Variants in ZNF69 observed in about 807,000 individuals in gnomAD.
The protein encoded by ZNF69 is ZNF3.
Under a neutral mutation model 50.9 loss-of-function variants are expected in ZNF69, and 47 were observed. The observed-to-expected ratio is 0.92, with a 90% CI of 0.73 to 1.18. ZNF69 has a LOEUF of 1.18. ZNF69 is among the 50% of genes most tolerant of loss of function. The probability of loss-of-function intolerance (pLI) is 0.00; values close to 1 mark genes in which losing one functional copy is unlikely to be tolerated. For synonymous variants in ZNF69, 216 were observed against 223.1 expected (o/e 0.97, Z 0.29); for missense variants, 717 against 675.1 (o/e 1.06, Z -0.69).
the ZNF69 span, among the ~76,000 whole-genome samples, chr19:11,941,603 A>G: frequency 6.6e-6 from 1 of 152,104 alleles, no homozygotes; most frequent in African/African-American, 2.4e-5. Flanking sequence ...CGGGGCCGCC[A>G]AGCCCACGCC....
chr19:11,963,002 G>A, the ZNF69 span, among the ~76,000 whole-genome samples: 2 of 151,940 alleles, frequency 1.3e-5, no homozygotes, highest in Admixed American at 1.3e-4. Context: ...CAGTCGATGA[G>A]GAAATATCAC....
downstream of ZNF69, among the ~76,000 whole-genome samples, chr19:11,910,407 C>T (rs1972440590): frequency 6.6e-6 from 1 of 152,154 alleles, no homozygotes; most frequent in Non-Finnish European, 1.5e-5. Context: ...CATTAGGCTA[C>T]CTGACTTCAA....
the ZNF69 span, among the ~76,000 whole-genome samples, chr19:11,936,399 ATC>A: frequency 6.6e-6 from 1 of 152,270 alleles, no homozygotes; most frequent in East Asian, 1.9e-4. Context: ...GTGAGATGGT[ATC>A]TCATTGTGGT....
At chr19:11,931,843 C>G in the ZNF69 span, among the ~76,000 whole-genome samples, 2 of 148,364 alleles carry the variant, frequency 1.3e-5, no homozygotes, top group South Asian at 4.2e-4. Flanking sequence ...TGGCCAGGCA[C>G]GGTGGCTCGC....
intron 1 of ZNF69, among the ~76,000 whole-genome samples, chr19:11,898,297 T>A (rs1972170299): frequency 6.6e-6 from 1 of 152,232 alleles, no homozygotes; most frequent in African/African-American, 2.4e-5. Context: ...GGTTTTATTA[T>A]TTAGAACAGT....
downstream of ZNF69, among the ~76,000 whole-genome samples, chr19:11,906,706 A>G (rs1445489781): frequency 6.6e-6 from 1 of 152,192 alleles, no homozygotes; most frequent in African/African-American, 2.4e-5. Context: ...AGTAGATAAA[A>G]CCACAAAGAT....
chr19:11,948,699 A>G, the ZNF69 span: 2 of 1,612,338 alleles, frequency 1.2e-6, no homozygotes, highest in Non-Finnish European at 1.7e-6. Flanking sequence ...ATAAATGTAA[A>G]TTTTGTGGGA....
chr19:11,971,802 G>A, the ZNF69 span, among the ~76,000 whole-genome samples: 1 of 152,134 alleles, frequency 6.6e-6, no homozygotes, highest in Non-Finnish European at 1.5e-5. Flanking sequence ...GGTGGCTCAC[G>A]CCTCTAATCC....
At chr19:11,948,379 G>T in the ZNF69 span, 2 of 1,613,988 alleles carry the variant, frequency 1.2e-6, no homozygotes, top group South Asian at 1.1e-5. Context: ...GGAGAAGAAA[G>T]CTTCTCCTGA....
the ZNF69 span, among the ~76,000 whole-genome samples, chr19:11,925,993 G>C: frequency 6.6e-6 from 1 of 152,160 alleles, no homozygotes; most frequent in Non-Finnish European, 1.5e-5. Flanking sequence ...CCTGTGGAAG[G>C]GGGGTTAGAA....
the ZNF69 span, chr19:11,980,182 C>A: frequency 1.8e-6 from 1 of 556,436 alleles, no homozygotes; most frequent in Non-Finnish European, 3.1e-6. Flanking sequence ...GAGTTCAAGA[C>A]TGGCCTGATC....
the ZNF69 span, among the ~76,000 whole-genome samples, chr19:11,959,351 C>A: frequency 6.6e-6 from 1 of 152,112 alleles, no homozygotes; most frequent in East Asian, 1.9e-4. Flanking sequence ...CACATACCAC[C>A]CCAAAAAATA....
the ZNF69 span, among the ~76,000 whole-genome samples, chr19:11,935,112 C>T: frequency 7.3e-6 from 1 of 137,372 alleles, no homozygotes; most frequent in African/African-American, 3.0e-5. Flanking sequence ...GGAGGCGGAG[C>T]TTGCAGTGGG....
chr19:11,979,431 T>C, the ZNF69 span: 1 of 1,602,444 alleles, frequency 6.2e-7, no homozygotes, highest in Non-Finnish European at 8.5e-7. Flanking sequence ...CAAACACACA[T>C]AAGAATACAC....
chr19:11,947,406 TTGA>T, the ZNF69 span: 2 of 1,603,616 alleles, frequency 1.2e-6, no homozygotes, highest in Non-Finnish European at 1.7e-6. Context: ...AGGAAATACC[TTGA>T]TGAATAAATG....
the ZNF69 span, chr19:11,978,762 G>C: frequency 6.2e-7 from 1 of 1,614,062 alleles, no homozygotes; most frequent in South Asian, 1.1e-5. Flanking sequence ...AACCCACACT[G>C]GGGGAAAGCC....
chr19:11,912,213 G>A (rs913372211), intron 4 of ZNF69, among the ~76,000 whole-genome samples: 1 of 152,028 alleles, frequency 6.6e-6, no homozygotes, highest in Admixed American at 6.6e-5. Flanking sequence ...TAAGAAATGT[G>A]GGAAAGCGTT....
At chr19:11,919,524 G>A in the ZNF69 span, among the ~76,000 whole-genome samples, 1 of 152,114 alleles carries the variant, frequency 6.6e-6, no homozygotes, top group African/African-American at 2.4e-5. Flanking sequence ...TTGGGAGGCC[G>A]AGGCATGAGG....
In ZNF69 at chr19:11,905,369, G is replaced by T; in HGVS notation, c.972G>T (p.Arg324Ser). The T allele has an allele frequency of 6.2e-7, 1 of 1,614,102 alleles. No homozygotes were observed. The highest frequency in any genetic ancestry group is 8.5e-7 in the Non-Finnish European group (1 of 1,180,018). The stretch of plus-strand genomic sequence containing the variant: ...CCCAGTATGTTCGTATACATGAAAG[G>T]ACCCACTCTAGGAAAAAACCCTATG... ...TCPQYVRIHERTHSRKKPYEC... is the reference protein window; with the variant it reads ...TCPQYVRIHESTHSRKKPYEC... The change falls in exon 4 of 4, where the codon AGG becomes AGT. Residue 324 changes from arginine (R) to serine (S), a missense_variant. By Grantham distance (110) the Arg-to-Ser change is moderately radical. Coordinates refer to ENST00000429654, the MANE Select transcript of ZNF69 (RefSeq NM_001364730.1).
Sources: allele counts gnomAD v4.1 joint callset (sites outside exome capture counted in the v4.1 genomes callset), GRCh38; gene constraint gnomAD v4.1.1; transcripts MANE v1.5; gene names NCBI Gene and HGNC (gene_info 2026-07-23, HGNC 2026-07-21).